FAM217A: variants seen among roughly 807,000 people sequenced by gnomAD.
The protein encoded by FAM217A is protein FAM217A.
FAM217A carries 13 observed loss-of-function variants against 18.5 expected under a neutral mutation model. The ratio of observed to expected loss-of-function variants is 0.70; its 90% confidence interval spans 0.46 to 1.12. The LOEUF is 1.12. Ranked by LOEUF, FAM217A falls within the 50% of genes most tolerant of loss-of-function variation. FAM217A has a pLI of 0.00. For missense variants in FAM217A, 560 were observed against 575.4 expected (o/e 0.97, Z 0.27); for synonymous variants, 161 against 202.8 (o/e 0.79, Z 1.75).
In FAM217A at chr6:4,068,770, T is replaced by C. The variant is rs764997056; in HGVS notation, c.1453A>G (p.Ile485Val). The change falls in exon 7 of 7, where the codon ATT (isoleucine) becomes GTT (valine). Residue 485 changes from isoleucine to valine, a missense_variant. Ile to Val is a conservative substitution (Grantham distance 29, BLOSUM62 3). Coordinates refer to ENST00000274673, the MANE Select transcript of FAM217A (RefSeq NM_173563.3). Reference sequence around the variant, plus strand: ...GGCGACAAACAGTTTAGCTTCTGAATAGAGAATGGTCTATTCAACACTATA... The same window carrying C: ...GGCGACAAACAGTTTAGCTTCTGAACAGAGAATGGTCTATTCAACACTATA... ...QNIVLNRPFSIQKLNCLSPSL... is the reference protein window; with the variant it reads ...QNIVLNRPFSVQKLNCLSPSL... 3.7e-6 allele frequency: 6 copies of C among 1,613,908 alleles called. No homozygotes were observed. In the African/African-American group the frequency reaches 5.3e-5, roughly 14 times the overall value.
rs377046907 is a variant in FAM217A at position 4,085,311 on chromosome 6, A to AAAAAAATATATATAT, written c.19-502_19-501insATATATATATTTTTT. ...AGAAGTGTTATTCATTGTAAAAAAA[A>AAAAAAATATATATAT]ATATATATATATATATAAAATATGT... On this transcript the variant is annotated intron_variant, in intron 1 of 8. Coordinates refer to the FAM217A transcript ENST00000639338. Among the ~76,000 whole-genome samples, 22 of 146,438 alleles carry AAAAAAATATATATAT rather than the reference A, an allele frequency of 1.5e-4. No individual in the cohort carries two copies. The South Asian group carries it at 2.4e-3, about 16-fold the overall frequency.
In FAM217A at chr6:4,069,161, T is replaced by C; in HGVS notation, c.1062A>G (p.Lys354=). 6.2e-7 allele frequency: 1 copy of C among 1,613,872 alleles called. No homozygotes were observed. Among genetic ancestry groups the C allele is most frequent in the Non-Finnish European group, 8.5e-7 (1 of 1,179,972 alleles). The stretch of plus-strand genomic sequence containing the variant: ...CAAGCTTACAAGAACCAGAGTTGTT[T>C]TTACTTTTTTCTTGACTTTTATCTA... The part of the protein sequence containing the change: ...PCVDKSQEKS[K]NNSGSCKLEQ... The change falls in exon 7 of 7, where the codon AAA becomes AAG. Residue 354 remains lysine (K), a synonymous_variant. Transcript: ENST00000274673.
chr6:4,068,634 C>T lies in FAM217A; in HGVS notation c.*62G>A. The T allele has an allele frequency of 6.7e-7, 1 of 1,501,000 alleles. No individual in the cohort carries two copies. The highest frequency in any genetic ancestry group is 8.9e-7 in the Non-Finnish European group (1 of 1,123,532). 93.0% of individuals were successfully genotyped at this position (1,501,000 alleles called of 1,614,324 possible). A position where few individuals can be genotyped will look rare whatever the true frequency, so the allele number is the denominator to read the frequency against. ...GTACCTGTGTCTTGGAATAATTAAC[C>T]ATATCTTAGTTGGGCTTCTTAGAGT... On this transcript the variant is annotated 3_prime_UTR_variant, in exon 7 of 7. Transcript: ENST00000274673.
At chr6:4,078,148 G>A (rs1323132042) in intron 1 of FAM217A, among the ~76,000 whole-genome samples, 3 of 150,458 alleles carry the variant, frequency 2.0e-5, no homozygotes, top group Non-Finnish European at 4.4e-5. Context: ...CCGCCTCCCG[G>A]GTTCAAGCGA....
chr6:4,084,801 C>A (rs2113898650), exon 2 of FAM217A: 1 of 703,000 alleles, frequency 1.4e-6, no homozygotes, highest in Admixed American at 2.0e-5. Flanking sequence ...TCAGGAGACA[C>A]AGCAACCCTC....
In FAM217A at chr6:4,075,348, A is replaced by C. The variant is rs188739481; in HGVS notation, c.61-687T>G. Among the ~76,000 whole-genome samples, 32 of 152,248 alleles carry C rather than the reference A, an allele frequency of 2.1e-4. 1 individual carries two copies. The highest frequency in any genetic ancestry group is 7.7e-4 in the African/African-American group (32 of 41,540). ...GACTCTGTCTCAAAATACATACATA[A>C]ATAAATAAAATTAAAAAAATAAAAG... On this transcript the variant is annotated intron_variant, in intron 2 of 6. Coordinates refer to ENST00000274673, the MANE Select transcript of FAM217A (RefSeq NM_173563.3).
At chr6:4,069,987 A>G in intron 6 of FAM217A, 67 bp from the exon 7 acceptor site, 1 of 1,133,730 alleles carries the variant, frequency 8.8e-7, no homozygotes, top group South Asian at 1.7e-5. Flanking sequence ...AAAATGATAC[A>G]GTTAAGTACC....
At chr6:4,075,799 A>G (rs1769751387) in intron 2 of FAM217A, among the ~76,000 whole-genome samples, 2 of 152,234 alleles carry the variant, frequency 1.3e-5, no homozygotes, top group African/African-American at 2.4e-5. Flanking sequence ...TCAATACAGC[A>G]TGAGGATTAA....
chr6:4,084,268 G>T (rs1272873700), intron 2 of FAM217A, among the ~76,000 whole-genome samples: 1 of 152,166 alleles, frequency 6.6e-6, no homozygotes, highest in Non-Finnish European at 1.5e-5. Flanking sequence ...AAATAGATAA[G>T]AAATATTGTT....
At chr6:4,075,962 C>T (rs1769760744) in intron 2 of FAM217A, among the ~76,000 whole-genome samples, 1 of 152,136 alleles carries the variant, frequency 6.6e-6, no homozygotes, top group African/African-American at 2.4e-5. Context: ...CTAATCTCTA[C>T]ATGAGAATCA....
upstream of FAM217A, chr6:4,079,173 C>A (rs1318693838): frequency 1.9e-5 from 6 of 323,528 alleles, no homozygotes; most frequent in Non-Finnish European, 2.8e-5. Context: ...AGAGCGGGGG[C>A]GCCCGGGGAG....
In FAM217A at chr6:4,073,190, G is replaced by C. The variant is rs185982319; in HGVS notation, c.302+85C>G. ...ATACTATTTTCTTCTGGTTGTTCAT[G>C]GTCCTTGTATTTCAAATAGTTATCT... On this transcript the variant is annotated intron_variant, in intron 6 of 6. Coordinates refer to ENST00000274673, the MANE Select transcript of FAM217A (RefSeq NM_173563.3). 359 of 1,046,936 alleles carry C rather than the reference G, an allele frequency of 3.4e-4. 2 individuals are homozygous for C. In the African/African-American group the frequency reaches 5.2e-3, roughly 15 times the overall value. 64.9% of individuals were successfully genotyped at this position (1,046,936 alleles called of 1,614,324 possible).
In FAM217A at chr6:4,069,196, T is replaced by A; in HGVS notation, c.1027A>T (p.Ile343Leu). Residue 343 changes from isoleucine (I) to leucine (L), a missense_variant, in exon 7 of 7, where the codon ATA (isoleucine) becomes TTA (leucine). Transcript: ENST00000274673. ...PKLCDSLSLQ[I>L]PCVDKSQEKS... ...TCTTGACTTTTATCTACACAAGGTA[T>A]CTGAAGACTCAAAGAGTCGCAAAGT... 1 of 1,614,162 alleles carries A rather than the reference T, an allele frequency of 6.2e-7. No homozygotes were observed. The highest frequency in any genetic ancestry group is 1.1e-5 in the South Asian group (1 of 91,080).
rs1301611644 is a variant in FAM217A, at chr6:4,069,325, T to A, written c.898A>T (p.Thr300Ser). The A allele has an allele frequency of 1.9e-6, 3 of 1,614,022 alleles. No individual in the cohort carries two copies. Among genetic ancestry groups the A allele is most frequent in the Non-Finnish European group, 2.5e-6 (3 of 1,180,028 alleles). Residue 300 changes from threonine to serine, a missense_variant, in exon 7 of 7, where the codon ACT becomes TCT. Coordinates refer to ENST00000274673, the MANE Select transcript of FAM217A (RefSeq NM_173563.3). ...AGTCTTGGCCTCTCTTTTTGAATAG[T>A]CATATGTTGTAATCGTTCTAGTTCC... ...LLELERLQHM[T>S]IQKERPRLQT...
At chr6:4,078,643 C>T (rs1431405456) in intron 1 of FAM217A, among the ~76,000 whole-genome samples, 3 of 152,176 alleles carry the variant, frequency 2.0e-5, no homozygotes, top group Non-Finnish European at 4.4e-5. Flanking sequence ...GCCCTGGGGA[C>T]AAAGGACGCC....
At chr6:4,072,568 G>C (rs528856585) in intron 6 of FAM217A, among the ~76,000 whole-genome samples, 283 of 152,100 alleles carry the variant, frequency 1.9e-3, no homozygotes, top group African/African-American at 6.5e-3. Context: ...TTTGAGACCA[G>C]CGTGACCAAC....
At chr6:4,084,276 G>A (rs1026501710) in intron 2 of FAM217A, among the ~76,000 whole-genome samples, 4 of 152,152 alleles carry the variant, frequency 2.6e-5, no homozygotes, top group Non-Finnish European at 4.4e-5. Flanking sequence ...AAGAAATATT[G>A]TTTAAAAACT....
Position 4,069,258 on chromosome 6 carries a change from G to T in FAM217A, c.965C>A (p.Ser322Tyr). Reference sequence around the variant, plus strand: ...CACTTTTGGTGTAGCTTTGGAGGAAGAGGGTCGTTCAGTAACTGCTGGAGT... The same window carrying T: ...CACTTTTGGTGTAGCTTTGGAGGAATAGGGTCGTTCAGTAACTGCTGGAGT... ...FCTPAVTERP[S>Y]SSKATPKVRQ... The change falls in exon 7 of 7, where the codon TCT becomes TAT. Residue 322 changes from serine (S) to tyrosine (Y), a missense_variant. Transcript: ENST00000274673. The T allele has an allele frequency of 6.2e-7, 1 of 1,614,204 alleles. No homozygotes were observed. The highest frequency in any genetic ancestry group is 1.1e-5 in the South Asian group (1 of 91,088).
intron 1 of FAM217A, 27 bp from the exon 2 acceptor site, chr6:4,077,475 T>C: frequency 6.5e-7 from 1 of 1,531,564 alleles, no homozygotes; most frequent in Non-Finnish European, 9.1e-7. Flanking sequence ...ATAGGCACAT[T>C]TATGGGTAAG....
Sources: gnomAD v4.1 joint callset for allele counts (sites outside exome capture counted in the v4.1 genomes callset) on GRCh38, gnomAD v4.1.1 for gene constraint, MANE v1.5 for transcripts, NCBI Gene and HGNC (gene_info 2026-07-23, HGNC 2026-07-21) for gene names.